Variants in NLRP13 observed in about 807,000 individuals in gnomAD.
The protein encoded by NLRP13 is NLR family pyrin domain containing 13, also known as NACHT, LRR and PYD domains-containing protein 13.
A neutral mutation model predicts 94.4 loss-of-function variants in NLRP13; 82 were observed. The ratio of observed to expected loss-of-function variants is 0.87; its 90% CI spans 0.73 to 1.04. The LOEUF is 1.04. Among genes scored for constraint, NLRP13 ranks in the 50% least tolerant of loss-of-function variants. NLRP13 has a pLI of 0.00. For synonymous variants in NLRP13, 553 were observed against 464.7 expected, an observed-to-expected ratio of 1.19 and a Z score of -2.45; for missense variants, 1,426 against 1,230.8, an observed-to-expected ratio of 1.16 and a Z score of -2.37.
Position 55,910,630 on chromosome 19 carries a change from G to A in NLRP13, c.2215C>T (p.His739Tyr), listed in dbSNP as rs1464807567. The change falls in exon 6 of 11, where the codon CAT becomes TAT. Residue 739 changes from histidine (H) to tyrosine (Y), a missense_variant. Coordinates refer to ENST00000342929, the MANE Select transcript of NLRP13 (RefSeq NM_176810.2). ...CAGAGACCCTTCACAGAGGAAGCAT[G>A]AAGTTTGCTGTTACTCAGGTCTAGC... ...HELDLSNSKLHASSVKGLCLA... is the reference protein window; with the variant it reads ...HELDLSNSKLYASSVKGLCLA... The A allele has an allele frequency of 6.2e-7, 1 of 1,613,708 alleles. No homozygotes were observed. Among genetic ancestry groups the A allele is most frequent in the Non-Finnish European group, 8.5e-7 (1 of 1,179,760 alleles).
intron 8 of NLRP13, 80 bp from the exon 9 acceptor site, chr19:55,902,285 CCT>C: frequency 1.3e-5 from 16 of 1,274,528 alleles, no homozygotes; most frequent in Middle Eastern, 2.5e-4. Flanking sequence ...CTCAGGGCCC[CCT>C]CCGAGCCTAC....
At chr19:55,900,735 C>T (rs1275576201) in intron 9 of NLRP13, among the ~76,000 whole-genome samples, 1 of 149,732 alleles carries the variant, frequency 6.7e-6, no homozygotes, top group South Asian at 2.1e-4. Flanking sequence ...GAGATCACAC[C>T]ACTGCACTCC....
At chr19:55,901,877 C>T (rs751082242) in intron 9 of NLRP13, among the ~76,000 whole-genome samples, 158 bp downstream of exon 9, 4 of 152,172 alleles carry the variant, frequency 2.6e-5, no homozygotes, top group Non-Finnish European at 4.4e-5. Context: ...GGTCCTCCCA[C>T]TTTCCCCATC....
At position 55,932,264 on chromosome 19, in the gene NLRP13, C is replaced by T; in HGVS notation, c.48G>A (p.Gly16=). 6.2e-7 allele frequency: 1 copy of T among 1,611,048 alleles called. No individual in the cohort carries two copies. Among genetic ancestry groups the T allele is most frequent in the Non-Finnish European group, 8.5e-7 (1 of 1,179,262 alleles). Residue 16 remains glycine, a synonymous_variant, in exon 1 of 11, where the codon GGG becomes GGA. Coordinates refer to ENST00000342929, the MANE Select transcript of NLRP13 (RefSeq NM_176810.2). Reference sequence around the variant, plus strand: ...CCAGGGCCATCAGGTAAGGCAGAAGCCCTTGGTTGGTACCACCGTTGGGGC... The same window carrying T: ...CCAGGGCCATCAGGTAAGGCAGAAGTCCTTGGTTGGTACCACCGTTGGGGC... ...ITCPNGGTNQ[G]LLPYLMALDQ... is the part of the protein sequence containing the mutation.
chr19:55,895,912 G>C, downstream of NLRP13: 2 of 1,604,608 alleles, frequency 1.2e-6, no homozygotes, highest in Middle Eastern at 1.7e-4. Flanking sequence ...CCTTGTCCCT[G>C]TATGTTCTCC....
chr19:55,902,325 GTCTT>G (rs1986211133), intron 8 of NLRP13, 120 bp from the exon 9 acceptor site: 1 of 743,262 alleles, frequency 1.3e-6, no homozygotes. Context: ...GGACGACAAG[GTCTT>G]TCTTTTTAGC....
At chr19:55,922,700 C>T (rs1022393185) in intron 4 of NLRP13, among the ~76,000 whole-genome samples, 7 of 152,164 alleles carry the variant, frequency 4.6e-5, no homozygotes, top group Non-Finnish European at 8.8e-5. Context: ...AGCATACAAC[C>T]TTCATTCCAA....
At chr19:55,909,313 T>C (rs922800971) in intron 6 of NLRP13, among the ~76,000 whole-genome samples, 30 of 152,206 alleles carry the variant, frequency 2.0e-4, no homozygotes, top group African/African-American at 7.2e-4. Context: ...ACCAATACGC[T>C]TTAGTCCACA....
chr19:55,912,571 C>G lies in NLRP13; in HGVS notation c.1246G>C (p.Glu416Gln). 2 of 1,614,156 alleles carry G rather than the reference C, an allele frequency of 1.2e-6. No homozygotes were observed. The highest frequency in any genetic ancestry group is 1.7e-6 in the Non-Finnish European group (2 of 1,180,016). The change falls in exon 5 of 11, where the codon GAA (glutamate) becomes CAA (glutamine). Residue 416 changes from glutamate to glutamine, a missense_variant. Coordinates refer to ENST00000342929, the MANE Select transcript of NLRP13 (RefSeq NM_176810.2). ...EKILQQLRKN[E>Q]TLFHSCSAPM... ...GCACTGCAGGAATGAAAGAGAGTTT[C>G]GTTTTTTCTTAGCTGCTGCAGGATT...
chr19:55,921,188 G>T (rs1046282152), intron 4 of NLRP13, among the ~76,000 whole-genome samples: 2 of 152,098 alleles, frequency 1.3e-5, no homozygotes, highest in African/African-American at 4.8e-5. Flanking sequence ...TCAGGTGATG[G>T]CTCCACCAAA....
intron 1 of NLRP13, among the ~76,000 whole-genome samples, chr19:55,930,612 G>C (rs1227929504): frequency 6.7e-6 from 1 of 149,756 alleles, no homozygotes; most frequent in Admixed American, 6.7e-5. Flanking sequence ...CTTGAACCCA[G>C]GAGGCGGAGA....
rs1191973094 is a variant in NLRP13 at position 55,902,104 on chromosome 19, A to G, written c.2720T>C (p.Leu907Pro). The part of the protein sequence containing the change: ...LTHLNLSKNS[L>P]RDEGVKFLCE... The stretch of plus-strand genomic sequence containing the variant: ...CAGGAACTTGACTCCCTCGTCTCTC[A>G]GGCTGTTCTTGCTCAGATTCAGGTG... The change falls in exon 9 of 11, where the codon CTG becomes CCG. Residue 907 changes from leucine to proline, a missense_variant. Physicochemically the swap from Leu to Pro is moderately conservative, Grantham distance 98. Transcript: ENST00000342929. The G allele has an allele frequency of 5.0e-6, 8 of 1,613,986 alleles. No homozygotes were observed. Among genetic ancestry groups the G allele is most frequent in the Non-Finnish European group, 6.8e-6 (8 of 1,179,998 alleles).
chr19:55,892,220 T>C (rs765738401), downstream of NLRP13: 56 of 835,774 alleles, frequency 6.7e-5, no homozygotes, highest in Non-Finnish European at 8.8e-5. Context: ...GTTTGTTACA[T>C]GGGTCTACTG....
rs371242081 is a variant in NLRP13, at chr19:55,904,948, C to G, written c.2612G>C (p.Arg871Thr). 1.9e-6 allele frequency: 3 copies of G among 1,609,338 alleles called. No homozygotes were observed. Among genetic ancestry groups the G allele is most frequent in the African/African-American group, 2.7e-5 (2 of 74,794 alleles). ...GGAAGTAGGGAAAACTTACTCCAGT[C>G]TCTCTAAGGCACACTTGGGGTGAGT... is the stretch of plus-strand genomic sequence containing the variant. ...ALTHPKCALERLELWFCQLAA... is the reference protein window; with the variant it reads ...ALTHPKCALETLELWFCQLAA... The change falls in exon 8 of 11, where the codon AGA (arginine) becomes ACA (threonine). Residue 871 changes from arginine (R) to threonine (T), a missense_variant. Physicochemically the swap from Arg to Thr is moderately conservative, Grantham distance 71. Transcript: ENST00000342929.
At chr19:55,917,606 A>G (rs940831878) in intron 4 of NLRP13, among the ~76,000 whole-genome samples, 6 of 152,068 alleles carry the variant, frequency 3.9e-5, no homozygotes, top group African/African-American at 1.4e-4. Context: ...TTGCTTCACA[A>G]AAAGCAAACT....
At chr19:55,919,195 A>C (rs560844716) in intron 4 of NLRP13, among the ~76,000 whole-genome samples, 2 of 152,170 alleles carry the variant, frequency 1.3e-5, no homozygotes, top group Non-Finnish European at 2.9e-5. Flanking sequence ...AACCCTCAAC[A>C]AACTAAGCTT....
rs756486618 is a variant in NLRP13, at chr19:55,924,606, C to T, written c.441G>A (p.Glu147=). The T allele has an allele frequency of 1.2e-6, 2 of 1,613,352 alleles. No homozygotes were observed. Among genetic ancestry groups the T allele is most frequent in the Non-Finnish European group, 1.7e-6 (2 of 1,179,406 alleles). The change falls in exon 3 of 11, where the codon GAG becomes GAA. Residue 147 remains glutamate (E), a synonymous_variant. Transcript: ENST00000342929. The stretch of plus-strand genomic sequence containing the variant: ...TGTACACACCTGTTTCTTCTTCTAG[C>T]TCGTCTAGTTCTTCTTGGTTTGGAT... The part of the protein sequence containing the change: ...CQDPNQEELD[E]LEEETGNVQA...
In NLRP13 at chr19:55,928,661, C is replaced by G. The variant is rs919391376; in HGVS notation, c.319+3332G>C. Among the ~76,000 whole-genome samples, 6 of 152,306 alleles carry G rather than the reference C, an allele frequency of 3.9e-5. No homozygotes were observed. The East Asian group carries it at 1.2e-3, about 29-fold the overall frequency. On this transcript the variant is annotated intron_variant, in intron 1 of 10. Transcript: ENST00000342929. ...TGTGCTAATTCCTCTCTCCAGGTCT[C>G]TATAAAGAGAGATATTCAGTTGGAA...
chr19:55,931,722 A>AGAAAGAAAGAAAGAAAGAAGG (rs1468023647), intron 1 of NLRP13, among the ~76,000 whole-genome samples: 1 of 107,328 alleles, frequency 9.3e-6, no homozygotes, highest in Non-Finnish European at 1.9e-5. Context: ...AAAAAAAAAA[A>AGAAAGAAAGAAAGAAAGAAGG]AAAGAAAGAA....
Sources: gnomAD v4.1 joint callset for allele counts (sites outside exome capture counted in the v4.1 genomes callset) on GRCh38, gnomAD v4.1.1 for gene constraint, MANE v1.5 for transcripts, NCBI Gene and HGNC (gene_info 2026-07-23, HGNC 2026-07-21) for gene names.